PIK3R3: variants seen among roughly 807,000 people sequenced by gnomAD.
PIK3R3 encodes the protein phosphoinositide-3-kinase regulatory subunit 3.
Under a neutral mutation model 62.9 loss-of-function variants are expected in PIK3R3, and 64 were observed. The observed-to-expected ratio is 1.02, with a 90% CI of 0.83 to 1.25. The LOEUF (loss-of-function observed/expected upper bound fraction) is 1.25. Among genes scored for constraint, PIK3R3 ranks in the 50% most tolerant of loss-of-function variants. The pLI is 0.00. For synonymous variants in PIK3R3, 165 were observed against 189.0 expected (o/e 0.87, Z 1.04); for missense variants, 614 against 561.6 (o/e 1.09, Z -0.94).
Position 46,044,504 on chromosome 1 carries a change from G to A in PIK3R3, c.1188-633C>T, listed in dbSNP as rs1305721635. 6.6e-6 allele frequency among the ~76,000 whole-genome samples: 1 copy of A among 152,122 alleles called. No homozygotes were observed. Among genetic ancestry groups the A allele is most frequent in the African/African-American group, 2.4e-5 (1 of 41,430 alleles). ...GCCTTCCTTCTTTTTATTATTCTTA[G>A]AAGATCCTAAGTCTTACAAGAACCA... On this transcript the variant is annotated intron_variant, in intron 9 of 9. Coordinates refer to ENST00000262741, the MANE Select transcript of PIK3R3 (RefSeq NM_003629.4). The surrounding 1 kb of genome is among the most constrained non-coding windows in gnomAD (Gnocchi z 4.2).
intron 3 of PIK3R3, among the ~76,000 whole-genome samples, chr1:46,070,897 T>TA (rs562595567): frequency 3.3e-5 from 5 of 152,238 alleles, no homozygotes; most frequent in Non-Finnish European, 7.3e-5. Context: ...AGCAGATTCT[T>TA]AAAGATTTGT....
At position 46,045,616 on chromosome 1, in the gene PIK3R3, G is replaced by GTTTTTTTTTTTTTTTT. The variant is rs1357786582; in HGVS notation, c.1187+301_1187+302insAAAAAAAAAAAAAAAA. Among the ~76,000 whole-genome samples, 10 of 16,544 alleles carry GTTTTTTTTTTTTTTTT rather than the reference G, an allele frequency of 6.0e-4. 1 individual carries two copies. The highest frequency in any genetic ancestry group is 1.1e-3 in the Non-Finnish European group (9 of 8,146). The allele number at this position is 16,544 out of a possible 152,430, so 10.9% of individuals were successfully genotyped here. On this transcript the variant is annotated intron_variant, in intron 9 of 9. Transcript: ENST00000262741. ...ATAGGATACTACTAAACAATTAAGTGCTTTTTTTTTTTTTTTTTTTTTTTT... is the reference window on the plus strand; with the variant it reads ...ATAGGATACTACTAAACAATTAAGTGTTTTTTTTTTTTTTTTCTTTTTTTTTTTTTTTTTTTTTTTT...
intron 1 of PIK3R3, among the ~76,000 whole-genome samples, chr1:46,113,512 A>C (rs145802512): frequency 7.0e-4 from 105 of 151,026 alleles, no homozygotes; most frequent in African/African-American, 2.5e-3. Flanking sequence ...CTGGTATCAA[A>C]CTCCTCAGCT....
intron 7 of PIK3R3, among the ~76,000 whole-genome samples, chr1:46,050,750 C>T (rs973833771): frequency 6.6e-6 from 1 of 152,130 alleles, no homozygotes; most frequent in African/African-American, 2.4e-5. Context: ...AAAACCTGTA[C>T]ATAAATGTTC....
chr1:46,147,512 A>G, the PIK3R3 span, among the ~76,000 whole-genome samples: 4 of 151,816 alleles, frequency 2.6e-5, no homozygotes, highest in Non-Finnish European at 5.9e-5. Context: ...CTGCCTCCCG[A>G]GTGCACGCCA....
At chr1:46,152,449 C>T in the PIK3R3 span, among the ~76,000 whole-genome samples, 1 of 152,122 alleles carries the variant, frequency 6.6e-6, no homozygotes, top group Non-Finnish European at 1.5e-5. Context: ...AATAACTAGG[C>T]CAACGATTTT....
intron 1 of PIK3R3, among the ~76,000 whole-genome samples, chr1:46,099,062 T>C (rs1022371949): frequency 6.6e-6 from 1 of 152,192 alleles, no homozygotes; most frequent in Non-Finnish European, 1.5e-5. Flanking sequence ...TGGAATAAGA[T>C]AGTTGTAATA....
At chr1:46,159,738 T>TAAACACAC in the PIK3R3 span, among the ~76,000 whole-genome samples, 9 of 148,122 alleles carry the variant, frequency 6.1e-5, no homozygotes, top group African/African-American at 2.2e-4. Flanking sequence ...ATGAGTACCA[T>TAAACACAC]ACACACACAC....
At chr1:46,160,571 T>A in the PIK3R3 span, among the ~76,000 whole-genome samples, 4 of 152,244 alleles carry the variant, frequency 2.6e-5, no homozygotes, top group Non-Finnish European at 4.4e-5. Context: ...TCTTGGCATC[T>A]CTTAACTAAT....
intron 3 of PIK3R3, among the ~76,000 whole-genome samples, chr1:46,075,380 G>A (rs183238946): frequency 1.4e-4 from 22 of 152,294 alleles, no homozygotes; most frequent in Non-Finnish European, 3.1e-4. Flanking sequence ...CTGGAAGGTC[G>A]AGGCAGGAGG....
At chr1:46,133,230 G>A (rs915308486), upstream of PIK3R3, among the ~76,000 whole-genome samples, 7 of 152,238 alleles carry the variant, frequency 4.6e-5, no homozygotes, top group African/African-American at 7.2e-5. Flanking sequence ...AAGAAAGAAA[G>A]AAAGGAAGAA....
intron 1 of PIK3R3, among the ~76,000 whole-genome samples, chr1:46,113,085 TC>T (rs1333401781): frequency 6.6e-6 from 1 of 152,172 alleles, no homozygotes; most frequent in African/African-American, 2.4e-5. Context: ...TAAAATAGCC[TC>T]CTAACCAGTT....
At chr1:46,093,474 T>C (rs1406514571) in intron 1 of PIK3R3, among the ~76,000 whole-genome samples, 2 of 152,210 alleles carry the variant, frequency 1.3e-5, no homozygotes, top group Non-Finnish European at 2.9e-5. Context: ...AAATAGTAAA[T>C]GCAATCTTCT....
the PIK3R3 span, among the ~76,000 whole-genome samples, chr1:46,168,632 T>G: frequency 1.3e-5 from 2 of 152,188 alleles, no homozygotes; most frequent in African/African-American, 2.4e-5. Context: ...TCTGAAATCC[T>G]CCCACCTCCC....
intron 1 of PIK3R3, among the ~76,000 whole-genome samples, chr1:46,105,428 C>G (rs1257386849): frequency 7.2e-5 from 11 of 151,782 alleles, no homozygotes; most frequent in Non-Finnish European, 1.6e-4. Context: ...GAACTGAACC[C>G]AGGAAGCGGA....
chr1:46,151,801 T>C, the PIK3R3 span, among the ~76,000 whole-genome samples: 1 of 152,306 alleles, frequency 6.6e-6, no homozygotes, highest in Admixed American at 6.5e-5. Context: ...CTTTCATCTG[T>C]CCCATGAAGT....
intron 1 of PIK3R3, among the ~76,000 whole-genome samples, chr1:46,096,990 A>C (rs785515): frequency 0.5 from 75,010 of 150,824 alleles, 18,917 homozygotes; most frequent in East Asian, 0.61. Context: ...AACAAACAAA[A>C]AAAAAAAAAA....
At chr1:46,167,618 C>T in the PIK3R3 span, among the ~76,000 whole-genome samples, 9 of 152,296 alleles carry the variant, frequency 5.9e-5, no homozygotes, top group East Asian at 1.7e-3. Context: ...CACCAGGTTC[C>T]CCCTACCTGC....
At chr1:46,141,395 C>G in the PIK3R3 span, among the ~76,000 whole-genome samples, 2 of 152,000 alleles carry the variant, frequency 1.3e-5, no homozygotes, top group African/African-American at 4.8e-5. Flanking sequence ...CTCAGCCTCC[C>G]GAGTAGCTGG....
Sources: gnomAD v4.1 joint callset for allele counts (sites outside exome capture counted in the v4.1 genomes callset) on GRCh38, gnomAD v4.1.1 for gene constraint, Gnocchi (gnomAD v3.1) non-coding constraint, MANE v1.5 for transcripts, NCBI Gene and HGNC (gene_info 2026-07-23, HGNC 2026-07-21) for gene names.